The following KAZN variants were observed in gnomAD, a reference collection of about 807,000 sequenced individuals.
KAZN encodes kazrin.
A neutral mutation model predicts 87.4 loss-of-function variants in KAZN; 40 were observed. The ratio of observed to expected loss-of-function variants is 0.46; its 90% CI spans 0.36 to 0.60. KAZN has a LOEUF of 0.60. Ranked by LOEUF, KAZN falls within the 20% of genes least tolerant of loss-of-function variation. The pLI is 0.00. For missense variants in KAZN, 898 were observed against 1,073.9 expected (o/e 0.84, Z 2.29); for synonymous variants, 466 against 458.3 (o/e 1.02, Z -0.22).
chr1:14,997,354 C>T (rs1413128713), intron 2 of KAZN, among the ~76,000 whole-genome samples: 1 of 151,988 alleles, frequency 6.6e-6, no homozygotes, highest in Non-Finnish European at 1.5e-5. Flanking sequence ...GATTCTCCTG[C>T]CTCAGCCTCC....
At chr1:14,035,668 G>A (rs949895987) in intron 1 of KAZN, among the ~76,000 whole-genome samples, 1 of 151,380 alleles carries the variant, frequency 6.6e-6, no homozygotes, top group African/African-American at 2.4e-5. Flanking sequence ...TAGAGATGGG[G>A]TTTCCCATGT....
chr1:14,631,579 G>A (rs1318030857), intron 1 of KAZN, among the ~76,000 whole-genome samples: 3 of 152,246 alleles, frequency 2.0e-5, no homozygotes, highest in Non-Finnish European at 4.4e-5. Context: ...TACCTTGGGA[G>A]GATCACATTC....
In KAZN at chr1:14,790,981, C is replaced by T. The variant is rs149015684; in HGVS notation, c.227-169703C>T. ...TGCTGGGATTATAGGTGTGAGCCAC[C>T]GCACCGGCCCCCGCTGGCTTCCAAG... is the stretch of plus-strand genomic sequence containing the variant. On this transcript the variant is annotated intron_variant, in intron 1 of 14. Coordinates refer to ENST00000376030, the MANE Select transcript of KAZN (RefSeq NM_201628.3). Among the ~76,000 whole-genome samples the T allele has an allele frequency of 5.4e-3, 808 of 150,942 alleles. 8 individuals are homozygous for T. The highest frequency in any genetic ancestry group is 0.019 in the African/African-American group (763 of 41,054).
chr1:13,918,771 G>C (rs10927954), intron 1 of KAZN, among the ~76,000 whole-genome samples: 32,363 of 152,150 alleles, frequency 0.21, 4,774 homozygotes, highest in African/African-American at 0.4. Flanking sequence ...ATCAAAGCAG[G>C]AGTACTCCAC....
intron 1 of KAZN, among the ~76,000 whole-genome samples, chr1:14,829,636 G>T (rs1271234029): frequency 2.0e-5 from 3 of 152,224 alleles, no homozygotes; most frequent in Admixed American, 1.3e-4. Flanking sequence ...GTTTATTGGG[G>T]TAGGGAGGTG....
At chr1:14,203,138 G>T (rs1261079022) in intron 2 of KAZN, among the ~76,000 whole-genome samples, 1 of 151,966 alleles carries the variant, frequency 6.6e-6, no homozygotes, top group Non-Finnish European at 1.5e-5. Flanking sequence ...AGCCTATCGT[G>T]ACGTATTTTA....
intron 1 of KAZN, among the ~76,000 whole-genome samples, chr1:14,765,058 G>A (rs554476773): frequency 1.3e-5 from 2 of 152,164 alleles, no homozygotes; most frequent in Admixed American, 6.5e-5. Context: ...TCCAAGACTA[G>A]TGCTTCTCTC....
chr1:14,159,579 G>GC (rs1645667484), intron 1 of KAZN, among the ~76,000 whole-genome samples: 1 of 152,208 alleles, frequency 6.6e-6, no homozygotes, highest in Non-Finnish European at 1.5e-5. Context: ...GTCACCAAGA[G>GC]CCTACTTGGT....
At chr1:14,766,272 G>C (rs559852309) in intron 1 of KAZN, among the ~76,000 whole-genome samples, 5 of 152,180 alleles carry the variant, frequency 3.3e-5, no homozygotes, top group African/African-American at 1.2e-4. Flanking sequence ...CAGCTCCTGG[G>C]CTGCCTGAGT....
intron 2 of KAZN, among the ~76,000 whole-genome samples, chr1:14,443,158 A>T (rs1666790135): frequency 6.6e-6 from 1 of 152,210 alleles, no homozygotes; most frequent in African/African-American, 2.4e-5. Flanking sequence ...GGGCTTCCCA[A>T]GTAATATATT....
At chr1:15,112,750 T>C (rs1641696626) in intron 14 of KAZN, 1 of 500,084 alleles carries the variant, frequency 2.0e-6, no homozygotes, top group South Asian at 2.6e-5. Context: ...CCCGCAGGGC[T>C]TCGAGTAGCA....
intron 1 of KAZN, among the ~76,000 whole-genome samples, chr1:14,846,759 T>G (rs1456266481): frequency 1.3e-5 from 2 of 152,212 alleles, no homozygotes; most frequent in Admixed American, 6.5e-5. Context: ...CTGTTGAATT[T>G]CCTGAGTGCC....
At chr1:14,321,166 T>C (rs1425091988) in intron 2 of KAZN, among the ~76,000 whole-genome samples, 1 of 152,162 alleles carries the variant, frequency 6.6e-6, no homozygotes, top group South Asian at 2.1e-4. Context: ...CTTTGAAGTG[T>C]ATATCGTGGC....
intron 2 of KAZN, among the ~76,000 whole-genome samples, chr1:14,998,343 T>G (rs766461598): frequency 2.6e-5 from 4 of 152,070 alleles, no homozygotes; most frequent in Non-Finnish European, 5.9e-5. Context: ...GTAAGGATGT[T>G]GCTCTCAGAA....
intron 1 of KAZN, among the ~76,000 whole-genome samples, chr1:14,683,690 ATC>A (rs2148767847): frequency 6.6e-6 from 1 of 152,188 alleles, no homozygotes; most frequent in African/African-American, 2.4e-5. Context: ...CAGCCCCCCT[ATC>A]TGGTACCAAG....
chr1:14,746,490 C>G (rs1644264385), intron 1 of KAZN, among the ~76,000 whole-genome samples: 1 of 151,858 alleles, frequency 6.6e-6, no homozygotes, highest in African/African-American at 2.4e-5. Flanking sequence ...ATGGCTAGCA[C>G]CAAGTCTCAT....
intron 1 of KAZN, among the ~76,000 whole-genome samples, chr1:13,952,418 AT>A (rs1641386433): frequency 6.6e-6 from 1 of 151,846 alleles, no homozygotes; most frequent in Non-Finnish European, 1.5e-5. Context: ...GGATGATAGG[AT>A]GAAACAGAAT....
chr1:14,499,518 T>A (rs1571801525), intron 2 of KAZN, among the ~76,000 whole-genome samples: 1 of 152,102 alleles, frequency 6.6e-6, no homozygotes, highest in South Asian at 2.1e-4. Context: ...AAAAGGGAGG[T>A]GTTTCTGAAT....
rs891662604 is a variant in KAZN at position 14,949,782 on chromosome 1, C to T, written c.227-10902C>T. On this transcript the variant is annotated intron_variant, in intron 1 of 14. Transcript: ENST00000376030. The surrounding 1 kb of genome is among the most constrained non-coding windows in gnomAD (Gnocchi z 4.3). ...TTCCAGGACAGCGACATGGTTGCTG[C>T]CCAGCCTGTGTTTGGTGAGGGGTGG... Among the ~76,000 whole-genome samples, 2 of 152,070 alleles carry T rather than the reference C, an allele frequency of 1.3e-5. No individual in the cohort carries two copies. Among genetic ancestry groups the T allele is most frequent in the African/African-American group, 4.8e-5 (2 of 41,386 alleles).
Sources: allele counts gnomAD v4.1 joint callset (sites outside exome capture counted in the v4.1 genomes callset), GRCh38; gene constraint gnomAD v4.1.1; non-coding constraint Gnocchi (gnomAD v3.1); transcripts MANE v1.5; gene names NCBI Gene and HGNC (gene_info 2026-07-23, HGNC 2026-07-21).